PLEC: variants seen among roughly 807,000 people sequenced by gnomAD.
The protein encoded by PLEC is hemidesmosomal protein 1.
In PLEC, 216 loss-of-function variants were observed where a neutral mutation model predicts 392.8. The ratio of observed to expected loss-of-function variants is 0.55; its 90% CI spans 0.49 to 0.62. The LOEUF is 0.62. Among genes scored for constraint, PLEC ranks in the 20% least tolerant of loss-of-function variants. The pLI is 0.00. For synonymous variants in PLEC, 3,621 were observed against 2,980.6 expected (o/e 1.21, Z -7.00); for missense variants, 6,863 against 6,563.4 (o/e 1.05, Z -1.58).
In PLEC at chr8:143,924,995, C is replaced by T. The variant is rs782192887; in HGVS notation, c.4934G>A (p.Arg1645Gln). ...QLKANEALRL[R>Q]LQAEEVAQQK... ...CTGCGCCACCTCCTCCGCCTGCAGC[C>T]GCAGCCGTAGCGCCTCGTTGGCCTT... The change falls in exon 31 of 32, where the codon CGG (arginine) becomes CAG (glutamine). Residue 1645 changes from arginine (R) to glutamine (Q), a missense_variant. Coordinates refer to ENST00000345136, the MANE Select transcript of PLEC (RefSeq NM_201384.3). 44 of 1,577,508 alleles carry T rather than the reference C, an allele frequency of 2.8e-5. No individual in the cohort carries two copies. The highest frequency in any genetic ancestry group is 3.3e-5 in the Non-Finnish European group (39 of 1,169,890).
At chr8:143,928,054 G>C (rs1825882168) in intron 25 of PLEC, 62 bp from the exon 26 acceptor site, 3 of 1,525,868 alleles carry the variant, frequency 2.0e-6, no homozygotes, top group Non-Finnish European at 2.6e-6. Flanking sequence ...CAAGGGAATG[G>C]AACCCAAGCC....
chr8:143,930,644 G>A (rs376961195), intron 19 of PLEC, 108 bp from the exon 20 acceptor site: 110 of 1,203,654 alleles, frequency 9.1e-5, no homozygotes, highest in Middle Eastern at 9.0e-4. Flanking sequence ...TGATGCTCCC[G>A]GGGTGGCAGC....
Position 143,926,886 on chromosome 8 carries a change from T to C in PLEC, c.3946-4A>G, listed in dbSNP as rs1825379232. 6.2e-7 allele frequency: 1 copy of C among 1,612,112 alleles called. No individual in the cohort carries two copies. The highest frequency in any genetic ancestry group is 8.5e-7 in the Non-Finnish European group (1 of 1,178,584). ...AGTGCGTACGCAGGTCCACGTACTG[T>C]GGAGTAGAGCCAGGGTTAGCCCTGC... On this transcript the variant is annotated splice_region_variant and splice_polypyrimidine_tract_variant and intron_variant, in intron 29 of 31. Coordinates refer to ENST00000345136, the MANE Select transcript of PLEC (RefSeq NM_201384.3).
In PLEC at chr8:143,923,611, C is replaced by T. The variant is rs556328818; in HGVS notation, c.6318G>A (p.Gln2106=). The stretch of plus-strand genomic sequence containing the variant: ...CGGCCTCTTCCACCTGCCGCCGGGA[C>T]TGCGCCGCCTCACGCTCCGCCTGCA... ...ARVQAEREAA[Q]SRRQVEEAER... The change falls in exon 31 of 32, where the codon CAG becomes CAA. Residue 2106 remains glutamine (Q), a synonymous_variant. Coordinates refer to ENST00000345136, the MANE Select transcript of PLEC (RefSeq NM_201384.3). 4.1e-4 allele frequency: 658 copies of T among 1,592,810 alleles called. 12 individuals are homozygous for T. The South Asian group carries it at 6.9e-3, about 17-fold the overall frequency.
intron 3 of PLEC, 113 bp from the exon 4 acceptor site, chr8:143,937,355 C>G (rs1829331738): frequency 1.3e-6 from 1 of 780,422 alleles, no homozygotes; most frequent in Admixed American, 2.0e-5. Context: ...CAGGGGGCAG[C>G]AGCCCCTCAT....
chr8:143,934,541 T>C, intron 10 of PLEC, 94 bp downstream of exon 10: 1 of 1,597,770 alleles, frequency 6.3e-7, no homozygotes, highest in Non-Finnish European at 8.6e-7. Context: ...GGGACAGCCC[T>C]GGTCCCAAAG....
rs782062918 is a variant in PLEC, at chr8:143,924,908, C to T, written c.5021G>A (p.Arg1674Gln). ...CTGCTCCTCCGCCTTGCCGCGCCGCCGCGCCTCGCGCTCCGCCTCCTCCTT... is the reference window on the plus strand; with the variant it reads ...CTGCTCCTCCGCCTTGCCGCGCCGCTGCGCCTCGCGCTCCGCCTCCTCCTT... ...KQKEEAEREA[R>Q]RRGKAEEQAV... The change falls in exon 31 of 32, where the codon CGG (arginine) becomes CAG (glutamine). Residue 1674 changes from arginine (R) to glutamine (Q), a missense_variant. Transcript: ENST00000345136. The T allele has an allele frequency of 6.2e-5, 99 of 1,585,842 alleles. No homozygotes were observed. The highest frequency in any genetic ancestry group is 5.2e-4 in the East Asian group (23 of 44,080).
Position 143,920,049 on chromosome 8 carries a change from T to C in PLEC, c.9772A>G (p.Ser3258Gly). Residue 3258 changes from serine (S) to glycine (G), a missense_variant, in exon 32 of 32, where the codon AGC becomes GGC. Transcript: ENST00000345136. Reference protein sequence around the residue: ...GRTVTVWELISSEYFTAEQRQ... With the variant: ...GRTVTVWELIGSEYFTAEQRQ... ...TGCTCCGCAGTGAAGTACTCAGAGC[T>C]GATGAGCTCCCACACCGTCACCGTC... The C allele has an allele frequency of 6.2e-7, 1 of 1,613,308 alleles. No homozygotes were observed. Among genetic ancestry groups the C allele is most frequent in the Non-Finnish European group, 8.5e-7 (1 of 1,180,020 alleles).
chr8:143,924,733 C>T lies in PLEC; in HGVS notation c.5196G>A (p.Leu1732=). 2 of 1,534,288 alleles carry T rather than the reference C, an allele frequency of 1.3e-6. No homozygotes were observed. The highest frequency in any genetic ancestry group is 8.7e-7 in the Non-Finnish European group (1 of 1,146,070). The change falls in exon 31 of 32, where the codon CTG becomes CTA. Residue 1732 remains leucine, a synonymous_variant. Transcript: ENST00000345136. The part of the protein sequence containing the change: ...TEQGEQQRQL[L]EEELARLQRE... ...GCTGCAGCCGGGCCAGCTCCTCCTC[C>T]AGCAGCTGCCGCTGCTGCTCCCCCT...
chr8:143,951,506 G>A (rs1208357849), upstream of PLEC, among the ~76,000 whole-genome samples: 1 of 152,170 alleles, frequency 6.6e-6, no homozygotes, highest in East Asian at 1.9e-4. Context: ...CAGGCTTAGA[G>A]GCAGTGGCCA....
At position 143,916,560 on chromosome 8, in the gene PLEC, T is replaced by G. The variant is rs782543793; in HGVS notation, c.13261A>C (p.Thr4421Pro). ...CCCACGTCACGCAGCTTCTGTGCGG[T>G]GCGGGCGTCCACCGTGCCGCGCTGC... The part of the protein sequence containing the change: ...ALQRGTVDAR[T>P]AQKLRDVGAY... The change falls in exon 32 of 32, where the codon ACC becomes CCC. Residue 4421 changes from threonine (T) to proline (P), a missense_variant. Transcript: ENST00000345136. The G allele has an allele frequency of 6.2e-7, 1 of 1,611,566 alleles. No homozygotes were observed. Among genetic ancestry groups the G allele is most frequent in the Non-Finnish European group, 8.5e-7 (1 of 1,179,480 alleles).
exon 1 of PLEC, chr8:143,950,545 G>A: frequency 6.2e-7 from 1 of 1,608,256 alleles, no homozygotes; most frequent in Non-Finnish European, 8.5e-7. Flanking sequence ...GTGCCCGCAG[G>A]GACGCCATGG....
chr8:143,960,306 A>AT (rs1264343249), intron 1 of PLEC, among the ~76,000 whole-genome samples: 1 of 151,062 alleles, frequency 6.6e-6, no homozygotes, highest in African/African-American at 2.4e-5. Flanking sequence ...AATAATAATA[A>AT]AATAAACAAT....
rs782064939 is a variant in PLEC at position 143,917,078 on chromosome 8, G to A, written c.12743C>T (p.Ser4248Phe). 1.9e-6 allele frequency: 3 copies of A among 1,607,170 alleles called. No individual in the cohort carries two copies. Among genetic ancestry groups the A allele is most frequent in the Non-Finnish European group, 2.6e-6 (3 of 1,175,172 alleles). ...GTAGGAGGAGGAGGATCCCACCGAG[G>A]AGGAACGGGAGCGGAAACCACCGGC... ...GNAGGFRSRS[S>F]SVGSSSSYPI... Residue 4248 changes from serine to phenylalanine, a missense_variant, in exon 32 of 32, where the codon TCC (serine) becomes TTC (phenylalanine). Coordinates refer to ENST00000345136, the MANE Select transcript of PLEC (RefSeq NM_201384.3).
At chr8:143,948,972 C>T (rs1831816123) in intron 1 of PLEC, among the ~76,000 whole-genome samples, 1 of 152,192 alleles carries the variant, frequency 6.6e-6, no homozygotes, top group African/African-American at 2.4e-5. Context: ...ACATGTCGTC[C>T]ATTTAGAGAG....
At position 143,939,396 on chromosome 8, in the gene PLEC, C is replaced by T. The variant is rs782125800; in HGVS notation, c.66G>A (p.Glu22=). ...TGAGCACAGCCAGGTACAGGTTGTC[C>T]TCCGAGCTGGTTCTCTTTCGGCCCA... ...EGLGRKRTSS[E]DNLYLAVLRA... is the part of the protein sequence containing the mutation. Residue 22 remains glutamate, a synonymous_variant, in exon 1 of 32, where the codon GAG becomes GAA. Coordinates refer to ENST00000345136, the MANE Select transcript of PLEC (RefSeq NM_201384.3). 6.2e-7 allele frequency: 1 copy of T among 1,612,826 alleles called. No individual in the cohort carries two copies. The highest frequency in any genetic ancestry group is 8.5e-7 in the Non-Finnish European group (1 of 1,179,818).
chr8:143,954,374 C>T (rs1263275806), upstream of PLEC, among the ~76,000 whole-genome samples: 41 of 152,210 alleles, frequency 2.7e-4, 1 homozygote, highest in Non-Finnish European at 7.3e-5. This position sits in a 1 kb window ranked among gnomAD's most constrained non-coding sequence, Gnocchi z 4.6. Context: ...GGTCAGGCAC[C>T]TTGTACACTG....
chr8:143,970,858 C>T (rs1180114395), intron 1 of PLEC, among the ~76,000 whole-genome samples: 1 of 152,206 alleles, frequency 6.6e-6, no homozygotes, highest in African/African-American at 2.4e-5. Context: ...GACTGGACAC[C>T]TCTTGGCAGC....
Position 143,924,899 on chromosome 8 carries a change from C to T in PLEC, c.5030G>A (p.Gly1677Asp), listed in dbSNP as rs1554699592. 1.3e-6 allele frequency: 2 copies of T among 1,586,814 alleles called. No homozygotes were observed. Among genetic ancestry groups the T allele is most frequent in the Non-Finnish European group, 8.5e-7 (1 of 1,174,278 alleles). ...CCGGACGGCCTGCTCCTCCGCCTTG[C>T]CGCGCCGCCGCGCCTCGCGCTCCGC... ...EEAEREARRR[G>D]KAEEQAVRQR... The change falls in exon 31 of 32, where the codon GGC becomes GAC. Residue 1677 changes from glycine (G) to aspartate (D), a missense_variant. Transcript: ENST00000345136.
Sources: gnomAD v4.1 joint callset for allele counts (sites outside exome capture counted in the v4.1 genomes callset) on GRCh38, gnomAD v4.1.1 for gene constraint, Gnocchi (gnomAD v3.1) non-coding constraint, MANE v1.5 for transcripts, NCBI Gene and HGNC (gene_info 2026-07-23, HGNC 2026-07-21) for gene names.